The following ARL15 variants were observed in gnomAD, a reference collection of about 807,000 sequenced individuals.
ARL15 encodes the protein ARF like GTPase 15, also known as ADP-ribosylation factor-like protein 15.
ARL15 carries 19 observed loss-of-function variants against 25.2 expected under a neutral mutation model. The observed-to-expected ratio is 0.75, with a 90% CI of 0.53 to 1.10. The LOEUF (loss-of-function observed/expected upper bound fraction) is 1.10. Among genes scored for constraint, ARL15 ranks in the 50% least tolerant of loss-of-function variants. The pLI is 0.00. For missense variants in ARL15, 220 were observed against 246.0 expected, an observed-to-expected ratio of 0.89 and a Z score of 0.71; for synonymous variants, 94 against 86.8, an observed-to-expected ratio of 1.08 and a Z score of -0.46.
chr5:53,962,600 T>G (rs778305816), intron 4 of ARL15, among the ~76,000 whole-genome samples: 3 of 152,174 alleles, frequency 2.0e-5, no homozygotes, highest in Non-Finnish European at 4.4e-5. Flanking sequence ...ATCATCTCTA[T>G]GCAAGGATTG....
intron 4 of ARL15, among the ~76,000 whole-genome samples, chr5:54,036,493 A>G (rs391448): frequency 0.3 from 45,671 of 151,968 alleles, 7,908 homozygotes; most frequent in African/African-American, 0.47. Flanking sequence ...TTCAGTGTTT[A>G]CTCCCCTCTG....
At chr5:54,053,107 C>G (rs1750747888) in intron 4 of ARL15, among the ~76,000 whole-genome samples, 1 of 152,002 alleles carries the variant, frequency 6.6e-6, no homozygotes, top group African/African-American at 2.4e-5. Context: ...AAGTATGAAC[C>G]AGGCTTGATG....
intron 4 of ARL15, among the ~76,000 whole-genome samples, chr5:53,959,853 G>A (rs1372649383): frequency 6.6e-6 from 1 of 151,986 alleles, no homozygotes; most frequent in Non-Finnish European, 1.5e-5. Flanking sequence ...CACTATCATA[G>A]GATACATTTT....
rs528109686 is a variant in ARL15 at position 53,971,884 on chromosome 5, T to C, written c.463-85171A>G. Among the ~76,000 whole-genome samples, 134 of 152,346 alleles carry C rather than the reference T, an allele frequency of 8.8e-4. 1 individual carries two copies. Among genetic ancestry groups the C allele is most frequent in the African/African-American group, 3.2e-3 (133 of 41,592 alleles). ...TTTTAATTGTTTGCTTCTCAACAAT[T>C]GCAATGTTCATTTTCCCAAATAAGC... On this transcript the variant is annotated intron_variant, in intron 4 of 4. Coordinates refer to ENST00000504924, the MANE Select transcript of ARL15 (RefSeq NM_019087.3).
chr5:54,200,275 C>T (rs912948193), intron 1 of ARL15, among the ~76,000 whole-genome samples: 2 of 146,164 alleles, frequency 1.4e-5, no homozygotes, highest in Non-Finnish European at 3.0e-5. Context: ...GCACATGTAC[C>T]CTAAAACTTA....
chr5:54,291,273 T>C (rs981644807), intron 1 of ARL15, among the ~76,000 whole-genome samples: 1 of 152,144 alleles, frequency 6.6e-6, no homozygotes, highest in Admixed American at 6.5e-5. Flanking sequence ...TAATCCTTGG[T>C]TTCCATGGGG....
rs1328583908 is a variant in ARL15 at position 53,886,432 on chromosome 5, A to T, written c.*129T>A. On this transcript the variant is annotated 3_prime_UTR_variant, in exon 5 of 5. Transcript: ENST00000504924. ...GAATATTCACTTTAATAGAGAGATG[A>T]GAGTCTGAAATGACCAGAGGAAAAT... The T allele has an allele frequency of 2.1e-6, 2 of 954,894 alleles. No individual in the cohort carries two copies. The highest frequency in any genetic ancestry group is 3.3e-5 in the African/African-American group (2 of 60,054). 59.2% of individuals were successfully genotyped at this position (954,894 alleles called of 1,614,324 possible). A position where few individuals can be genotyped will look rare whatever the true frequency, so the allele number is the denominator to read the frequency against.
chr5:54,050,071 C>T (rs1750659558), intron 4 of ARL15, among the ~76,000 whole-genome samples: 1 of 152,186 alleles, frequency 6.6e-6, no homozygotes, highest in South Asian at 2.1e-4. Context: ...TTGGTTAACA[C>T]TCTTCCTCAT....
At chr5:54,277,235 T>A (rs10940370) in intron 1 of ARL15, among the ~76,000 whole-genome samples, 1 of 151,672 alleles carries the variant, frequency 6.6e-6, no homozygotes, top group Non-Finnish European at 1.5e-5. Flanking sequence ...GCCTTTTTAC[T>A]GTAATCACAA....
intron 4 of ARL15, among the ~76,000 whole-genome samples, chr5:53,938,835 C>A (rs986582938): frequency 3.3e-5 from 5 of 151,910 alleles, no homozygotes; most frequent in Non-Finnish European, 7.4e-5. Flanking sequence ...CAGAGAGAGA[C>A]TCTGTCTCAA....
At chr5:54,000,705 T>C (rs1246035144) in intron 4 of ARL15, among the ~76,000 whole-genome samples, 1 of 152,148 alleles carries the variant, frequency 6.6e-6, no homozygotes, top group Non-Finnish European at 1.5e-5. Flanking sequence ...ATAATCCCTG[T>C]CCCTAATTCC....
chr5:53,937,516 T>C (rs1394228477), intron 4 of ARL15, among the ~76,000 whole-genome samples: 1 of 152,214 alleles, frequency 6.6e-6, no homozygotes, highest in Non-Finnish European at 1.5e-5. Context: ...GCATATATGA[T>C]AATGGGCCTT....
rs898487703 is a variant in ARL15, at chr5:54,023,225, A to G, written c.462+89977T>C. On this transcript the variant is annotated intron_variant, in intron 4 of 4. Transcript: ENST00000504924. ...TTGGACTTGAATTAGTAAAATGTTG[A>G]CACAAATAGGCTGTTAAAGATTATG... 8.5e-5 allele frequency among the ~76,000 whole-genome samples: 13 copies of G among 152,280 alleles called. 1 individual carries two copies. The Middle Eastern group carries it at 0.01, about 120-fold the overall frequency.
intron 1 of ARL15, among the ~76,000 whole-genome samples, chr5:54,285,082 T>G (rs1189901828): frequency 1.3e-5 from 2 of 152,160 alleles, no homozygotes; most frequent in African/African-American, 2.4e-5. Flanking sequence ...AAGAATGAGT[T>G]TCTATCTCAG....
chr5:54,101,235 A>G (rs990316113), intron 4 of ARL15, among the ~76,000 whole-genome samples: 1 of 152,138 alleles, frequency 6.6e-6, no homozygotes, highest in Non-Finnish European at 1.5e-5. Flanking sequence ...AATATGATAC[A>G]ACTTTAAATA....
chr5:53,953,730 G>A (rs1747050988), intron 4 of ARL15, among the ~76,000 whole-genome samples: 1 of 152,162 alleles, frequency 6.6e-6, no homozygotes, highest in Non-Finnish European at 1.5e-5. Flanking sequence ...AAAGGAATGT[G>A]AGAACAAACA....
chr5:54,241,502 G>T (rs926872421), intron 1 of ARL15, among the ~76,000 whole-genome samples: 4 of 151,862 alleles, frequency 2.6e-5, no homozygotes, highest in African/African-American at 9.7e-5. Context: ...TTTTTTCCAA[G>T]ACCACATGAT....
chr5:54,108,909 C>G (rs1340470211), intron 4 of ARL15, among the ~76,000 whole-genome samples: 2 of 151,864 alleles, frequency 1.3e-5, no homozygotes, highest in Non-Finnish European at 2.9e-5. Flanking sequence ...ATAAACTCTT[C>G]ATGCACAGAG....
At chr5:54,018,145 T>C (rs982539543) in intron 4 of ARL15, among the ~76,000 whole-genome samples, 3 of 152,164 alleles carry the variant, frequency 2.0e-5, no homozygotes, top group Non-Finnish European at 4.4e-5. Context: ...AGTTTACCTG[T>C]ATTTTGGTTT....
Sources: gnomAD v4.1 joint callset for allele counts (sites outside exome capture counted in the v4.1 genomes callset) on GRCh38, gnomAD v4.1.1 for gene constraint, MANE v1.5 for transcripts, NCBI Gene and HGNC (gene_info 2026-07-23, HGNC 2026-07-21) for gene names.